SLC22A23: variants seen among roughly 807,000 people sequenced by gnomAD.
SLC22A23 encodes the protein solute carrier family 22 member 23, also known as ion transporter protein.
SLC22A23 carries 26 observed loss-of-function variants against 61.0 expected under a neutral mutation model. The observed-to-expected ratio is 0.43, with a 90% confidence interval of 0.31 to 0.59. SLC22A23 has a LOEUF of 0.59. Ranked by LOEUF, SLC22A23 falls within the 20% of genes least tolerant of loss-of-function variation. The probability of loss-of-function intolerance (pLI) is 0.11; values close to 1 mark genes in which losing one functional copy is unlikely to be tolerated. For missense variants in SLC22A23, 796 were observed against 934.7 expected (o/e 0.85, Z 1.94); for synonymous variants, 430 against 413.9 (o/e 1.04, Z -0.47).
In SLC22A23 at chr6:3,449,082, G is replaced by A. The variant is rs138943539; in HGVS notation, c.654+6824C>T. Among the ~76,000 whole-genome samples the A allele has an allele frequency of 1.5e-3, 230 of 152,312 alleles. 1 individual carries two copies. Among genetic ancestry groups the A allele is most frequent in the Middle Eastern group, 0.01 (3 of 294 alleles). On this transcript the variant is annotated intron_variant, in intron 1 of 9. Coordinates refer to ENST00000406686, the MANE Select transcript of SLC22A23 (RefSeq NM_015482.2). ...CACTGCCAAACTAAATGTTTAGGAC[G>A]TTGTTACAAGCAAGTCAACGTCTGC...
intron 3 of SLC22A23, among the ~76,000 whole-genome samples, chr6:3,349,390 T>C (rs1033202112): frequency 2.0e-5 from 3 of 152,116 alleles, no homozygotes; most frequent in Non-Finnish European, 2.9e-5. Flanking sequence ...TTCGGCCAAA[T>C]TGACTCCTAC....
chr6:3,344,038 T>C (rs1764290934), intron 3 of SLC22A23, among the ~76,000 whole-genome samples: 1 of 152,220 alleles, frequency 6.6e-6, no homozygotes. Context: ...CTGACAGCAC[T>C]GGGGAATGCC....
At chr6:3,366,023 T>G (rs1350522578) in intron 3 of SLC22A23, among the ~76,000 whole-genome samples, 1 of 152,010 alleles carries the variant, frequency 6.6e-6, no homozygotes, top group Non-Finnish European at 1.5e-5. Flanking sequence ...GGTCCATGGG[T>G]GTCAGCATCA....
intron 3 of SLC22A23, among the ~76,000 whole-genome samples, chr6:3,393,216 G>A (rs1215566777): frequency 6.6e-6 from 1 of 152,196 alleles, no homozygotes; most frequent in African/African-American, 2.4e-5. Context: ...AGTGGACTGA[G>A]GCAAGGACGG....
chr6:3,291,744 G>A (rs1297951013), intron 5 of SLC22A23: 1 of 152,178 alleles, frequency 6.6e-6, no homozygotes, highest in Non-Finnish European at 1.5e-5. Flanking sequence ...GAATATCTTT[G>A]CTATTATAGA....
intron 9 of SLC22A23, chr6:3,282,437 A>G (rs1759556225): frequency 1.6e-6 from 1 of 623,176 alleles, no homozygotes; most frequent in Non-Finnish European, 2.9e-6. Context: ...ATCCAAGAGA[A>G]TGAATCAAAA....
At chr6:3,447,150 C>T (rs757876980) in intron 1 of SLC22A23, among the ~76,000 whole-genome samples, 16 of 152,312 alleles carry the variant, frequency 1.1e-4, no homozygotes, top group South Asian at 2.1e-4. Flanking sequence ...TATAAGCCAT[C>T]GCCACCCCCC....
rs185499311 is a variant in SLC22A23 at position 3,346,222 on chromosome 6, G to A, written c.914-22220C>T. On this transcript the variant is annotated intron_variant, in intron 3 of 9. Transcript: ENST00000406686. ...TGACAGGCCAGCGCCACCTCTGCTC[G>A]GGTCCCAGCTCAACGTCTCTGCTGA... Among the ~76,000 whole-genome samples the A allele has an allele frequency of 3.0e-4, 46 of 152,202 alleles. 1 individual carries two copies. Among genetic ancestry groups the A allele is most frequent in the African/African-American group, 1.0e-3 (43 of 41,502 alleles).
At chr6:3,305,768 G>A (rs771605337) in intron 4 of SLC22A23, among the ~76,000 whole-genome samples, 1 of 152,148 alleles carries the variant, frequency 6.6e-6, no homozygotes. Flanking sequence ...ACATGTAGAC[G>A]GCCAAAAAGC....
At chr6:3,432,979 A>G (rs1402073683) in intron 1 of SLC22A23, among the ~76,000 whole-genome samples, 1 of 152,214 alleles carries the variant, frequency 6.6e-6, no homozygotes, top group Non-Finnish European at 1.5e-5. Flanking sequence ...TTGAAACCCT[A>G]CAAGCTGGGG....
chr6:3,348,096 C>T (rs1287701664), intron 3 of SLC22A23, among the ~76,000 whole-genome samples: 2 of 152,186 alleles, frequency 1.3e-5, no homozygotes. Context: ...TATCTAGTTA[C>T]CTGCATGCTG....
chr6:3,422,073 A>G (rs879717427), intron 1 of SLC22A23, among the ~76,000 whole-genome samples: 1 of 152,216 alleles, frequency 6.6e-6, no homozygotes, highest in Non-Finnish European at 1.5e-5. Context: ...TGTCTGTTTT[A>G]AAGCTGAGCA....
chr6:3,456,353 CGCGGAGCAGCAGCTCGGGT>C lies in SLC22A23; in HGVS notation c.188_206del (p.His63ArgfsTer172). On this transcript the variant is annotated frameshift_variant, in exon 1 of 10. Transcript: ENST00000406686. LOFTEE classifies it high-confidence loss of function. This position sits in a 1 kb window ranked among gnomAD's most constrained non-coding sequence, Gnocchi z 7.1. ...GCAACAAGAGGCTCGGGGCCGCAGC[CGCGGAGCAGCAGCTCGGGT>C]GCGGGCCGCCTCCAGGATGCAGTGG... 6.5e-7 allele frequency: 1 copy of C among 1,547,648 alleles called. No individual in the cohort carries two copies. The highest frequency in any genetic ancestry group is 8.7e-7 in the Non-Finnish European group (1 of 1,145,778).
intron 9 of SLC22A23, chr6:3,282,353 G>A: frequency 1.4e-6 from 1 of 701,468 alleles, no homozygotes; most frequent in Non-Finnish European, 2.6e-6. Flanking sequence ...TGAGTTCCTT[G>A]TGCTTAATCA....
At chr6:3,429,003 C>T (rs143466037) in intron 1 of SLC22A23, among the ~76,000 whole-genome samples, 1 of 152,290 alleles carries the variant, frequency 6.6e-6, no homozygotes, top group East Asian at 1.9e-4. Flanking sequence ...TTCGGAAACC[C>T]TCTCCCTCCT....
At chr6:3,376,517 C>G (rs1766580638) in intron 3 of SLC22A23, among the ~76,000 whole-genome samples, 1 of 152,166 alleles carries the variant, frequency 6.6e-6, no homozygotes, top group African/African-American at 2.4e-5. Context: ...AACTAAATAC[C>G]TCCCTCTCGA....
At chr6:3,439,813 C>T (rs1277056283) in intron 1 of SLC22A23, among the ~76,000 whole-genome samples, 1 of 152,014 alleles carries the variant, frequency 6.6e-6, no homozygotes, top group African/African-American at 2.4e-5. Context: ...GAAGAGGGAG[C>T]CAAGAAGGTC....
chr6:3,360,799 C>A lies in SLC22A23; in HGVS notation c.914-36797G>T, dbSNP rs917363266. 1.3e-5 allele frequency among the ~76,000 whole-genome samples: 2 copies of A among 152,162 alleles called. No individual in the cohort carries two copies. The highest frequency in any genetic ancestry group is 2.4e-5 in the African/African-American group (1 of 41,432). On this transcript the variant is annotated intron_variant, in intron 3 of 9. Coordinates refer to ENST00000406686, the MANE Select transcript of SLC22A23 (RefSeq NM_015482.2). The surrounding 1 kb of genome is among the most constrained non-coding windows in gnomAD (Gnocchi z 4.6). Reference sequence around the variant, plus strand: ...GACGGGCCCCTCTGATGGAGACCTGCGTTCGGCCAGGCAGGCCCACAGCTG... The same window carrying A: ...GACGGGCCCCTCTGATGGAGACCTGAGTTCGGCCAGGCAGGCCCACAGCTG...
At chr6:3,391,680 T>C (rs1198298796) in intron 3 of SLC22A23, among the ~76,000 whole-genome samples, 1 of 152,072 alleles carries the variant, frequency 6.6e-6, no homozygotes, top group Non-Finnish European at 1.5e-5. Context: ...AGTGGATGAG[T>C]GGTATGCGGA....
Sources: gnomAD v4.1 joint callset for allele counts (sites outside exome capture counted in the v4.1 genomes callset) on GRCh38, gnomAD v4.1.1 for gene constraint, Gnocchi (gnomAD v3.1) non-coding constraint, MANE v1.5 for transcripts, NCBI Gene and HGNC (gene_info 2026-07-23, HGNC 2026-07-21) for gene names.